Variants in ANKRD45 observed in about 807,000 individuals in gnomAD.
ANKRD45 encodes the protein ankyrin repeat domain-containing protein 45.
ANKRD45 carries 21 observed loss-of-function variants against 28.1 expected under a neutral mutation model. That is an observed-to-expected ratio of 0.75 (90% CI 0.53 to 1.08). ANKRD45 has a LOEUF of 1.08. ANKRD45 is among the 50% of genes least tolerant of loss of function. The pLI, the probability that ANKRD45 is intolerant of heterozygous loss-of-function variation, is 0.00. For synonymous variants in ANKRD45, 86 were observed against 103.9 expected (o/e 0.83, Z 1.05); for missense variants, 261 against 308.7 (o/e 0.85, Z 1.16).
intron 2 of ANKRD45, 96 bp from the exon 3 acceptor site, chr1:173,647,109 C>T (rs1668972237): frequency 2.5e-6 from 3 of 1,220,466 alleles, no homozygotes; most frequent in Non-Finnish European, 3.4e-6. Flanking sequence ...AAGTATTGAA[C>T]AATTACTGTG....
At chr1:173,652,447 C>A (rs1046084430) in intron 2 of ANKRD45, among the ~76,000 whole-genome samples, 1 of 152,122 alleles carries the variant, frequency 6.6e-6, no homozygotes, top group Non-Finnish European at 1.5e-5. Context: ...GGGATGAAGG[C>A]AACTTGATCA....
At chr1:173,681,987 T>C in the ANKRD45 span, among the ~76,000 whole-genome samples, 1 of 149,702 alleles carries the variant, frequency 6.7e-6, no homozygotes, top group Admixed American at 6.7e-5. Flanking sequence ...GAAGCAGAGA[T>C]AGTAGTGAGC....
chr1:173,613,586 G>A (rs1386449300), intron 5 of ANKRD45, among the ~76,000 whole-genome samples: 9 of 123,370 alleles, frequency 7.3e-5, no homozygotes, highest in South Asian at 2.5e-4. Flanking sequence ...CAGCCGCCCC[G>A]TCCGGGAGGG....
chr1:173,707,228 C>G, the ANKRD45 span, among the ~76,000 whole-genome samples: 2 of 151,170 alleles, frequency 1.3e-5, no homozygotes, highest in Non-Finnish European at 2.9e-5. Flanking sequence ...TCCTAATTGT[C>G]ATTTTTTTTT....
intron 3 of ANKRD45, among the ~76,000 whole-genome samples, chr1:173,628,644 G>T (rs1668049382): frequency 1.3e-5 from 2 of 152,206 alleles, no homozygotes; most frequent in South Asian, 4.1e-4. Context: ...GATTCCTAAG[G>T]TTCTTGACTC....
chr1:173,652,120 T>C (rs1021795916), intron 2 of ANKRD45, among the ~76,000 whole-genome samples: 2 of 152,106 alleles, frequency 1.3e-5, no homozygotes, highest in East Asian at 1.9e-4. Context: ...TGGCCAGAAC[T>C]TCCAACACTA....
At chr1:173,626,626 C>T (rs1036102012) in intron 4 of ANKRD45, among the ~76,000 whole-genome samples, 7 of 152,112 alleles carry the variant, frequency 4.6e-5, no homozygotes, top group African/African-American at 7.2e-5. Flanking sequence ...TCCCACCCCC[C>T]GACTGCCTTC....
In ANKRD45 at chr1:173,609,945, T is replaced by A; in HGVS notation, c.*200A>T. On this transcript the variant is annotated 3_prime_UTR_variant, in exon 6 of 6. Transcript: ENST00000333279. ...CCTGAAGGAGCACGTGAAACTCACA[T>A]GGGGCTGTGCTTGGAGGAGCAGAGG... 1.8e-6 allele frequency: 1 copy of A among 571,234 alleles called. No individual in the cohort carries two copies. Among genetic ancestry groups the A allele is most frequent in the Non-Finnish European group, 3.1e-6 (1 of 323,082 alleles). 35.4% of individuals were successfully genotyped at this position (571,234 alleles called of 1,614,324 possible). A position where few individuals can be genotyped will look rare whatever the true frequency, so the allele number is the denominator to read the frequency against.
the ANKRD45 span, among the ~76,000 whole-genome samples, chr1:173,707,073 T>A: frequency 2.0e-5 from 3 of 152,212 alleles, no homozygotes; most frequent in Non-Finnish European, 2.9e-5. Flanking sequence ...ATTTAAATGA[T>A]TAAGGGCATT....
chr1:173,640,008 T>G (rs773517773), intron 3 of ANKRD45, among the ~76,000 whole-genome samples: 4 of 152,160 alleles, frequency 2.6e-5, no homozygotes, highest in African/African-American at 4.8e-5. Context: ...AAAGGATGAA[T>G]CAGACTTTAA....
the ANKRD45 span, among the ~76,000 whole-genome samples, chr1:173,698,671 T>G: frequency 1.6e-4 from 25 of 152,134 alleles, no homozygotes; most frequent in African/African-American, 5.6e-4. Context: ...TTTAAAGCAG[T>G]GTGTAAAGGG....
chr1:173,675,006 G>A, the ANKRD45 span, among the ~76,000 whole-genome samples: 1 of 152,046 alleles, frequency 6.6e-6, no homozygotes, highest in African/African-American at 2.4e-5. Flanking sequence ...AGGTTGTAAA[G>A]TCTTATGTCC....
At chr1:173,613,551 GTGGGGGGTC>G in intron 5 of ANKRD45, among the ~76,000 whole-genome samples, 1 of 146,918 alleles carries the variant, frequency 6.8e-6, no homozygotes, top group Admixed American at 6.7e-5. Context: ...CGGGAGGGAG[GTGGGGGGTC>G]AGCCCCCCCC....
chr1:173,652,756 T>C (rs1669294131), intron 2 of ANKRD45, among the ~76,000 whole-genome samples: 2 of 152,232 alleles, frequency 1.3e-5, no homozygotes, highest in Admixed American at 1.3e-4. Flanking sequence ...GGCTATTGAT[T>C]ACTGCCTCAA....
the ANKRD45 span, among the ~76,000 whole-genome samples, chr1:173,706,347 A>T: frequency 4.7e-5 from 7 of 147,714 alleles, no homozygotes; most frequent in Non-Finnish European, 7.5e-5. Context: ...TTTGCTTTTA[A>T]TTTTTTTTTG....
At chr1:173,668,946 G>A (rs1462564795) in intron 1 of ANKRD45, among the ~76,000 whole-genome samples, 1 of 152,166 alleles carries the variant, frequency 6.6e-6, no homozygotes, top group African/African-American at 2.4e-5. Flanking sequence ...TCTGAAATGA[G>A]GATAGCACCT....
At chr1:173,682,404 A>T in the ANKRD45 span, among the ~76,000 whole-genome samples, 1 of 152,162 alleles carries the variant, frequency 6.6e-6, no homozygotes, top group African/African-American at 2.4e-5. Context: ...TTAAGGGTTG[A>T]GACAAACTTG....
At chr1:173,613,737 C>G (rs1391652856) in intron 5 of ANKRD45, among the ~76,000 whole-genome samples, 1 of 152,218 alleles carries the variant, frequency 6.6e-6, no homozygotes, top group African/African-American at 2.4e-5. Context: ...TGAGGATCCC[C>G]TCTACCCGGC....
the ANKRD45 span, among the ~76,000 whole-genome samples, chr1:173,677,128 A>C: frequency 6.6e-6 from 1 of 152,004 alleles, no homozygotes; most frequent in Non-Finnish European, 1.5e-5. Context: ...AAATAGGATC[A>C]CAGGTCATTG....
Sources: gnomAD v4.1 joint callset for allele counts (sites outside exome capture counted in the v4.1 genomes callset) on GRCh38, gnomAD v4.1.1 for gene constraint, MANE v1.5 for transcripts, NCBI Gene and HGNC (gene_info 2026-07-23, HGNC 2026-07-21) for gene names.